The following PALLD variants were observed in gnomAD, a reference collection of about 807,000 sequenced individuals.
PALLD encodes palladin, cytoskeletal associated protein.
Under a neutral mutation model 123.5 loss-of-function variants are expected in PALLD, and 61 were observed. The observed-to-expected ratio is 0.49, with a 90% CI of 0.40 to 0.61. PALLD has a LOEUF of 0.61. Ranked by LOEUF, PALLD falls within the 20% of genes least tolerant of loss-of-function variation. The pLI, the probability that PALLD is intolerant of heterozygous loss-of-function variation, is 0.00. For missense variants in PALLD, 1,273 were observed against 1,377.0 expected (o/e 0.92, Z 1.20); for synonymous variants, 465 against 496.4 (o/e 0.94, Z 0.84).
At chr4:168,580,836 TA>T (rs1770189898) in intron 2 of PALLD, among the ~76,000 whole-genome samples, 1 of 151,978 alleles carries the variant, frequency 6.6e-6, no homozygotes, top group Non-Finnish European at 1.5e-5. Context: ...TGGATGGTGC[TA>T]GAGGCCATTA....
At chr4:168,835,843 C>T (rs774228102) in intron 10 of PALLD, among the ~76,000 whole-genome samples, 8 of 152,182 alleles carry the variant, frequency 5.3e-5, no homozygotes, top group Non-Finnish European at 1.0e-4. Context: ...GGATTATAGG[C>T]GTGAGCCACT....
intron 2 of PALLD, among the ~76,000 whole-genome samples, chr4:168,554,406 G>A (rs766816397): frequency 2.6e-5 from 4 of 152,148 alleles, no homozygotes; most frequent in East Asian, 1.9e-4. Flanking sequence ...CTGGAGCAAA[G>A]ACACTATCCC....
At chr4:168,893,810 G>T (rs1754550982) in intron 11 of PALLD, among the ~76,000 whole-genome samples, 1 of 152,200 alleles carries the variant, frequency 6.6e-6, no homozygotes, top group Admixed American at 6.5e-5. Context: ...CAAAGTGCTA[G>T]CTGCGAGATG....
intron 13 of PALLD, chr4:168,898,209 T>C (rs990469465): frequency 1.1e-5 from 5 of 461,666 alleles, no homozygotes; most frequent in Admixed American, 6.8e-5. Flanking sequence ...TTTTCTTTCC[T>C]TCCCCTTGTT....
At chr4:168,744,882 A>G (rs1234412066) in intron 10 of PALLD, among the ~76,000 whole-genome samples, 1 of 152,200 alleles carries the variant, frequency 6.6e-6, no homozygotes, top group Non-Finnish European at 1.5e-5. Context: ...TTCAGAGCAC[A>G]TTAAAGGTAG....
chr4:168,877,777 C>T (rs988095790), intron 10 of PALLD: 2 of 1,198,460 alleles, frequency 1.7e-6, no homozygotes, highest in Non-Finnish European at 1.0e-6. Flanking sequence ...AGCAGGAGGC[C>T]GGCGCTCGGC....
At chr4:168,777,704 A>G (rs765572483) in intron 10 of PALLD, among the ~76,000 whole-genome samples, 28 of 152,248 alleles carry the variant, frequency 1.8e-4, no homozygotes, top group Non-Finnish European at 2.9e-4. Flanking sequence ...TCCAGAAAAT[A>G]CTTCCTCCTC....
At chr4:168,598,348 C>A in intron 2 of PALLD, 1 of 551,958 alleles carries the variant, frequency 1.8e-6, no homozygotes, top group Non-Finnish European at 3.6e-6. Flanking sequence ...TCAAGACTTG[C>A]CATGGGAACT....
intron 2 of PALLD, among the ~76,000 whole-genome samples, chr4:168,622,394 C>T (rs1274927619): frequency 6.6e-6 from 1 of 152,220 alleles, no homozygotes; most frequent in Non-Finnish European, 1.5e-5. Flanking sequence ...CAGTCTTGCT[C>T]AAACAATGTC....
intron 9 of PALLD, among the ~76,000 whole-genome samples, chr4:168,710,462 C>T (rs1016256685): frequency 2.6e-5 from 4 of 152,004 alleles, no homozygotes; most frequent in African/African-American, 4.8e-5. Context: ...TTAAATGATA[C>T]GGACTTGGAG....
intron 2 of PALLD, among the ~76,000 whole-genome samples, chr4:168,538,792 A>G (rs1446738338): frequency 1.3e-5 from 2 of 152,242 alleles, no homozygotes; most frequent in African/African-American, 2.4e-5. Flanking sequence ...GGCAAGCTTA[A>G]AAGATCAGAA....
At chr4:168,734,885 C>T (rs1787573273) in intron 10 of PALLD, among the ~76,000 whole-genome samples, 1 of 151,966 alleles carries the variant, frequency 6.6e-6, no homozygotes, top group African/African-American at 2.4e-5. Flanking sequence ...GATGGCACCA[C>T]TGCACTCTAG....
Position 168,795,234 on chromosome 4 carries a change from A to G in PALLD, c.1964+83311A>G, listed in dbSNP as rs554391806. Among the ~76,000 whole-genome samples, 16 of 152,370 alleles carry G rather than the reference A, an allele frequency of 1.1e-4. No individual in the cohort carries two copies. The South Asian group carries it at 2.7e-3, about 26-fold the overall frequency. On this transcript the variant is annotated intron_variant, in intron 10 of 21. Coordinates refer to ENST00000505667, the MANE Select transcript of PALLD (RefSeq NM_001166108.2). Reference sequence around the variant, plus strand: ...CAAGATCTCACAATGTCTGCACTATATATAGCTTTACCACCATTTGAAAAG... The same window carrying G: ...CAAGATCTCACAATGTCTGCACTATGTATAGCTTTACCACCATTTGAAAAG...
chr4:168,740,302 T>G (rs1007906748), intron 10 of PALLD, among the ~76,000 whole-genome samples: 2 of 152,226 alleles, frequency 1.3e-5, no homozygotes, highest in Non-Finnish European at 2.9e-5. Flanking sequence ...GAATGCACTT[T>G]TTGAGAAAGT....
At chr4:168,745,715 T>C (rs10049918) in intron 10 of PALLD, among the ~76,000 whole-genome samples, 84,662 of 151,786 alleles carry the variant, frequency 0.56, 23,929 homozygotes, top group African/African-American at 0.65. Context: ...AGTATAGACA[T>C]AGTAAACTCC....
In PALLD at chr4:168,841,352, A is replaced by G. The variant is rs541976442; in HGVS notation, c.1965-49570A>G. Among the ~76,000 whole-genome samples the G allele has an allele frequency of 1.2e-3, 190 of 152,360 alleles. 1 individual carries two copies. Among genetic ancestry groups the G allele is most frequent in the Non-Finnish European group, 2.0e-3 (133 of 68,030 alleles). ...TCCAAAAGCTTAAGCACAGATGGCA[A>G]ATCTGGCAAAGTCAAATTGAGAACA... is the stretch of plus-strand genomic sequence containing the variant. On this transcript the variant is annotated intron_variant, in intron 10 of 21. Transcript: ENST00000505667.
intron 10 of PALLD, among the ~76,000 whole-genome samples, chr4:168,865,483 T>A (rs1750132854): frequency 6.6e-6 from 1 of 152,208 alleles, no homozygotes; most frequent in African/African-American, 2.4e-5. Context: ...AATAAATTGC[T>A]CTGAGTATCC....
At chr4:168,925,426 C>T in intron 21 of PALLD, 148 bp downstream of exon 21, 1 of 708,398 alleles carries the variant, frequency 1.4e-6, no homozygotes. Context: ...GTTCTTGTTA[C>T]TGTGTTCTGC....
chr4:168,658,462 T>C (rs912758284), intron 2 of PALLD, among the ~76,000 whole-genome samples: 22 of 152,104 alleles, frequency 1.4e-4, no homozygotes, highest in African/African-American at 5.1e-4. Context: ...TTTTCAAATT[T>C]TTTTTGTAGA....
Sources: gnomAD v4.1 joint callset for allele counts (sites outside exome capture counted in the v4.1 genomes callset) on GRCh38, gnomAD v4.1.1 for gene constraint, MANE v1.5 for transcripts, NCBI Gene and HGNC (gene_info 2026-07-23, HGNC 2026-07-21) for gene names.